A2ML1: variants seen among roughly 807,000 people sequenced by gnomAD.
The protein encoded by A2ML1 is alpha-2-macroglobulin like 1.
A neutral mutation model predicts 181.9 loss-of-function variants in A2ML1; 161 were observed. The ratio of observed to expected loss-of-function variants is 0.89; its 90% CI spans 0.78 to 1.01. The LOEUF (loss-of-function observed/expected upper bound fraction) is 1.01, where lower values mean the gene tolerates loss of function less well. Among genes scored for constraint, A2ML1 ranks in the 50% least tolerant of loss-of-function variants. The pLI is 0.00. For synonymous variants in A2ML1, 663 were observed against 666.8 expected, an observed-to-expected ratio of 0.99 and a Z score of 0.09; for missense variants, 1,670 against 1,768.1, an observed-to-expected ratio of 0.94 and a Z score of 1.00.
At chr12:8,883,121 A>C (rs1026934472) in intron 7 of A2ML1, among the ~76,000 whole-genome samples, 6 of 151,700 alleles carry the variant, frequency 4.0e-5, no homozygotes, top group African/African-American at 1.2e-4. Context: ...TGTGTTTCCT[A>C]CTCTGGCAAG....
intron 34 of A2ML1, among the ~76,000 whole-genome samples, chr12:8,874,737 C>T (rs757277698): frequency 6.6e-6 from 1 of 152,026 alleles, no homozygotes. Context: ...TTTATGTGAT[C>T]GGAGAACAAT....
At chr12:8,881,622 A>G (rs1237481159), downstream of A2ML1, among the ~76,000 whole-genome samples, 2 of 152,176 alleles carry the variant, frequency 1.3e-5, no homozygotes, top group Non-Finnish European at 2.9e-5. Flanking sequence ...CACAATTTGG[A>G]CTGGCATATT....
At chr12:8,863,663 A>C in intron 28 of A2ML1, 131 bp from the exon 29 acceptor site, 1 of 824,272 alleles carries the variant, frequency 1.2e-6, no homozygotes, top group Non-Finnish European at 1.9e-6. Flanking sequence ...GCTAAATCTA[A>C]GAAATTTTTT....
At chr12:8,836,712 G>A (rs1449014239) in intron 7 of A2ML1, among the ~76,000 whole-genome samples, 1 of 152,076 alleles carries the variant, frequency 6.6e-6, no homozygotes, top group Non-Finnish European at 1.5e-5. Flanking sequence ...TCGGACTCCT[G>A]ACCTCAGGTG....
intron 26 of A2ML1, among the ~76,000 whole-genome samples, chr12:8,859,882 T>G (rs1164735332): frequency 6.6e-6 from 1 of 152,056 alleles, no homozygotes; most frequent in African/African-American, 2.4e-5. Flanking sequence ...CTACTTTCTT[T>G]TGAGAGCAGG....
chr12:8,874,651 TAATTA>T, intron 34 of A2ML1, 124 bp downstream of exon 34: 1 of 732,386 alleles, frequency 1.4e-6, no homozygotes, highest in South Asian at 1.9e-5. Context: ...AAGTAGCACA[TAATTA>T]AATTATCTAA....
chr12:8,836,602 A>G (rs1414105088), intron 7 of A2ML1, among the ~76,000 whole-genome samples: 1 of 149,176 alleles, frequency 6.7e-6, no homozygotes, highest in Admixed American at 6.7e-5. Flanking sequence ...TCCTGCCTCA[A>G]CCTCTAGAGT....
chr12:8,851,650 C>A, intron 18 of A2ML1, 134 bp from the exon 19 acceptor site: 1 of 783,754 alleles, frequency 1.3e-6, no homozygotes, highest in Non-Finnish European at 2.1e-6. Context: ...AAGCTATCTG[C>A]TCACCTCAGC....
chr12:8,845,618 T>C lies in A2ML1; in HGVS notation c.1537+116T>C, dbSNP rs1269363792. The C allele has an allele frequency of 4.8e-5, 46 of 951,112 alleles. 1 individual carries two copies. The highest frequency in any genetic ancestry group is 1.9e-4 in the South Asian group (13 of 68,302). The allele number at this position is 951,112 out of a possible 1,614,324, so 58.9% of individuals were successfully genotyped here. ...ATCCCAGCACTTTGGGAGGCCGAGG[T>C]GGGCGGATCACGATGTCGGGAGATC... On this transcript the variant is annotated intron_variant, in intron 13 of 35. Coordinates refer to ENST00000299698, the MANE Select transcript of A2ML1 (RefSeq NM_144670.6).
rs1944247031 is a variant in A2ML1, at chr12:8,861,169, A to G, written c.3374A>G (p.Lys1125Arg). ...GTGAGTCAGGGTCTACGGTGTCTCA[A>G]GAATTCGGCCACCTCCACGACCAAC... ...PMVSQGLRCL[K>R]NSATSTTNLY... The change falls in exon 28 of 36, where the codon AAG becomes AGG. Residue 1125 changes from lysine (K) to arginine (R), a missense_variant. Lys to Arg is a conservative substitution (Grantham distance 26). Coordinates refer to ENST00000299698, the MANE Select transcript of A2ML1 (RefSeq NM_144670.6). 2 of 1,614,060 alleles carry G rather than the reference A, an allele frequency of 1.2e-6. No individual in the cohort carries two copies. Among genetic ancestry groups the G allele is most frequent in the South Asian group, 1.1e-5 (1 of 91,074 alleles).
At chr12:8,823,115 G>C in intron 1 of A2ML1, 67 bp from the exon 2 acceptor site, 1 of 1,497,698 alleles carries the variant, frequency 6.7e-7, no homozygotes, top group Non-Finnish European at 9.1e-7. Flanking sequence ...TGAGCGCTTA[G>C]GAGAGTGCTG....
chr12:8,846,459 C>T (rs750413330), intron 14 of A2ML1, among the ~76,000 whole-genome samples: 3 of 152,248 alleles, frequency 2.0e-5, no homozygotes, highest in East Asian at 3.9e-4. Flanking sequence ...AATCCCAGTG[C>T]TTTGGGAGGC....
At chr12:8,838,807 G>A (rs962004764) in intron 9 of A2ML1, among the ~76,000 whole-genome samples, 14 of 151,556 alleles carry the variant, frequency 9.2e-5, no homozygotes, top group Non-Finnish European at 2.1e-4. Context: ...CCAGCTACTC[G>A]GGGAGGCTGA....
chr12:8,833,017 AG>A (rs1943166730), intron 4 of A2ML1, among the ~76,000 whole-genome samples: 1 of 130,160 alleles, frequency 7.7e-6, no homozygotes, highest in Non-Finnish European at 1.6e-5. Context: ...TGCGTTGCCC[AG>A]GTTGGAGTGC....
At chr12:8,825,273 T>C (rs759272785) in intron 3 of A2ML1, among the ~76,000 whole-genome samples, 2 of 152,336 alleles carry the variant, frequency 1.3e-5, no homozygotes, top group African/African-American at 4.8e-5. Flanking sequence ...GTTTGTCTTT[T>C]GGAAAAAAGC....
chr12:8,846,098 T>G lies in A2ML1; in HGVS notation c.1559T>G (p.Leu520Arg). The G allele has an allele frequency of 1.2e-6, 2 of 1,614,160 alleles. No individual in the cohort carries two copies. The highest frequency in any genetic ancestry group is 1.7e-6 in the Non-Finnish European group (2 of 1,180,016). The part of the protein sequence containing the change: ...KKKGLKASFS[L>R]SLTFTSRLAP... ...TCAGGACTGAAAGCCTCCTTCTCTC[T>G]CTCACTGACCTTCACTTCGAGACTG... Residue 520 changes from leucine to arginine, a missense_variant, in exon 14 of 36, where the codon CTC (leucine) becomes CGC (arginine). Transcript: ENST00000299698.
chr12:8,882,001 A>G (rs1046755585), intron 7 of A2ML1, among the ~76,000 whole-genome samples: 2 of 150,748 alleles, frequency 1.3e-5, no homozygotes, highest in Non-Finnish European at 3.0e-5. Context: ...ACAGAGCGAG[A>G]CTCTGTCTCA....
Position 8,860,878 on chromosome 12 carries a change from T to C in A2ML1, c.3265-3T>C, listed in dbSNP as rs977956433. 3.1e-6 allele frequency: 5 copies of C among 1,613,968 alleles called. No homozygotes were observed. The African/African-American group carries it at 6.7e-5, about 22-fold the overall frequency. ...GACTCACTGCCTCCCTGTTTGCCTC[T>C]AGGGTGGTGTTGATGATGAGGTCTC... is the stretch of plus-strand genomic sequence containing the variant. On this transcript the variant is annotated splice_polypyrimidine_tract_variant and splice_region_variant and intron_variant, in intron 26 of 35. Transcript: ENST00000299698.
intron 18 of A2ML1, 52 bp from the exon 19 acceptor site, chr12:8,851,732 T>C (rs753963274): frequency 1.9e-6 from 3 of 1,569,326 alleles, no homozygotes; most frequent in African/African-American, 1.4e-5. Context: ...TCACAAATGT[T>C]CTCCTTGCCC....
Sources: gnomAD v4.1 joint callset for allele counts (sites outside exome capture counted in the v4.1 genomes callset) on GRCh38, gnomAD v4.1.1 for gene constraint, MANE v1.5 for transcripts, NCBI Gene and HGNC (gene_info 2026-07-23, HGNC 2026-07-21) for gene names.